The following RCOR3 variants were observed in gnomAD, a reference collection of about 807,000 sequenced individuals.
RCOR3 encodes REST corepressor 3.
RCOR3 carries 13 observed loss-of-function variants against 64.1 expected under a neutral mutation model. The observed-to-expected ratio is 0.20, with a 90% CI of 0.13 to 0.32. The LOEUF (loss-of-function observed/expected upper bound fraction) is 0.32, where lower values mean the gene tolerates loss of function less well. Ranked by LOEUF, RCOR3 falls within the 10% of genes least tolerant of loss-of-function variation. The pLI is 1.00. For synonymous variants in RCOR3, 215 were observed against 239.0 expected (o/e 0.90, Z 0.93); for missense variants, 489 against 701.2 (o/e 0.70, Z 3.42).
chr1:211,269,995 C>A (rs1449425679), intron 2 of RCOR3, among the ~76,000 whole-genome samples: 1 of 151,652 alleles, frequency 6.6e-6, no homozygotes, highest in Admixed American at 6.6e-5. Context: ...GAAAATGTTA[C>A]TATTCTTCCA....
chr1:211,284,602 C>G (rs1052311687), intron 7 of RCOR3, among the ~76,000 whole-genome samples: 1 of 152,082 alleles, frequency 6.6e-6, no homozygotes, highest in Non-Finnish European at 1.5e-5. Context: ...TAGCTCACTT[C>G]TGGCACAAAT....
In RCOR3 at chr1:211,289,950, C is replaced by A. The variant is rs537227117; in HGVS notation, c.939+554C>A. Among the ~76,000 whole-genome samples the A allele has an allele frequency of 9.8e-5, 15 of 152,314 alleles. No homozygotes were observed. In the South Asian group the frequency reaches 1.5e-3, roughly 15 times the overall value. On this transcript the variant is annotated intron_variant, in intron 8 of 11. Transcript: ENST00000419091. ...CTTAGAGGAGCTCTTTAACTTCTTT[C>A]AGCCTCAGTTTTCTCATCTGGAAAT...
intron 9 of RCOR3, among the ~76,000 whole-genome samples, chr1:211,300,900 G>A (rs1700309466): frequency 6.6e-6 from 1 of 151,204 alleles, no homozygotes; most frequent in African/African-American, 2.4e-5. Context: ...GGAGACTCTA[G>A]TGTGTATGCG....
At chr1:211,298,685 C>T (rs767669142) in intron 9 of RCOR3, among the ~76,000 whole-genome samples, 5 of 152,004 alleles carry the variant, frequency 3.3e-5, no homozygotes, top group Non-Finnish European at 7.4e-5. Context: ...CATCAGTGGG[C>T]AGGGTCAGAG....
At chr1:211,287,830 A>G (rs1038774110) in intron 7 of RCOR3, among the ~76,000 whole-genome samples, 3 of 152,158 alleles carry the variant, frequency 2.0e-5, no homozygotes, top group African/African-American at 7.2e-5. Context: ...GTGAGCCGAG[A>G]TCGTGCCACT....
At chr1:211,262,822 G>GT (rs11406987) in intron 2 of RCOR3, among the ~76,000 whole-genome samples, 123,437 of 142,900 alleles carry the variant, frequency 0.86, 54,150 homozygotes, top group Middle Eastern at 0.96. Context: ...ATGGCCACTG[G>GT]TTTTTTTTTT....
At chr1:211,303,573 GAAA>G (rs1700590590) in intron 9 of RCOR3, 1 of 152,374 alleles carries the variant, frequency 6.6e-6, no homozygotes, top group South Asian at 2.1e-4. Flanking sequence ...TTACCATACT[GAAA>G]ATCCTAAATT....
At chr1:211,268,550 T>C (rs1338954230) in intron 2 of RCOR3, among the ~76,000 whole-genome samples, 1 of 152,022 alleles carries the variant, frequency 6.6e-6, no homozygotes, top group Non-Finnish European at 1.5e-5. Context: ...CGGCTAATTG[T>C]ATTTTTAATA....
At chr1:211,288,604 T>C (rs911203612) in intron 7 of RCOR3, among the ~76,000 whole-genome samples, 79 of 148,318 alleles carry the variant, frequency 5.3e-4, no homozygotes, top group African/African-American at 1.9e-3. Flanking sequence ...ATTTATTATT[T>C]ATTTTATTTA....
chr1:211,277,072 C>T (rs531865942), intron 5 of RCOR3, among the ~76,000 whole-genome samples: 4 of 147,244 alleles, frequency 2.7e-5, no homozygotes, highest in South Asian at 2.2e-4. Flanking sequence ...GGCAACAGCG[C>T]GAGACTCTGT....
chr1:211,307,058 A>G (rs1413792167), intron 10 of RCOR3, among the ~76,000 whole-genome samples: 2 of 152,184 alleles, frequency 1.3e-5, no homozygotes, highest in Non-Finnish European at 2.9e-5. Context: ...TGATCTTTCC[A>G]TATTTGTGTT....
intron 9 of RCOR3, chr1:211,303,768 C>A (rs1177008370): frequency 1.2e-5 from 2 of 171,008 alleles, no homozygotes; most frequent in African/African-American, 4.8e-5. Context: ...TGGAGACCAT[C>A]CTGGCTAACA....
intron 5 of RCOR3, among the ~76,000 whole-genome samples, chr1:211,277,235 A>C (rs746065572): frequency 2.0e-5 from 3 of 151,878 alleles, no homozygotes; most frequent in Non-Finnish European, 4.4e-5. Flanking sequence ...ATTGTGTCAA[A>C]ATAATGTAAA....
intron 10 of RCOR3, among the ~76,000 whole-genome samples, chr1:211,306,428 TG>T (rs2102652772): frequency 6.6e-6 from 1 of 152,290 alleles, no homozygotes; most frequent in South Asian, 2.1e-4. Flanking sequence ...TAAACTGTTT[TG>T]ATATTAACAT....
rs1406153879 is a variant in RCOR3, at chr1:211,312,464, A to G, written c.1076-256A>G. On this transcript the variant is annotated intron_variant, in intron 10 of 11. Transcript: ENST00000419091. The surrounding 1 kb of genome is among the most constrained non-coding windows in gnomAD (Gnocchi z 5.0). ...TGAGAGTTCAAGAGAGGATTGGAGA[A>G]AATAACTGAGTATGTAAAAAATGGT... 4 of 597,178 alleles carry G rather than the reference A, an allele frequency of 6.7e-6. No individual in the cohort carries two copies. Among genetic ancestry groups the G allele is most frequent in the Non-Finnish European group, 1.3e-5 (4 of 315,506 alleles). The allele number at this position is 597,178 out of a possible 1,614,324, so 37.0% of individuals were successfully genotyped here.
chr1:211,299,697 G>T (rs17188930), intron 9 of RCOR3, among the ~76,000 whole-genome samples: 1,838 of 152,114 alleles, frequency 0.012, 14 homozygotes, highest in Middle Eastern at 0.071. Context: ...CGTTCTAGAA[G>T]GCTTTTTGGT....
chr1:211,287,540 C>T (rs1698699242), intron 7 of RCOR3, among the ~76,000 whole-genome samples: 1 of 152,164 alleles, frequency 6.6e-6, no homozygotes, highest in South Asian at 2.1e-4. Flanking sequence ...TCAGATCCGC[C>T]ATGTGTTGCT....
chr1:211,302,339 G>A (rs1179591111), intron 9 of RCOR3: 1 of 152,180 alleles, frequency 6.6e-6, no homozygotes, highest in Non-Finnish European at 1.5e-5. Context: ...GTCACCTACA[G>A]AATTGACAGA....
intron 9 of RCOR3, among the ~76,000 whole-genome samples, chr1:211,299,441 CT>C (rs1362739499): frequency 6.6e-6 from 1 of 152,122 alleles, no homozygotes; most frequent in East Asian, 1.9e-4. Context: ...AAAAAGAGTG[CT>C]TTTTGAAGCT....
Sources: allele counts gnomAD v4.1 joint callset (sites outside exome capture counted in the v4.1 genomes callset), GRCh38; gene constraint gnomAD v4.1.1; non-coding constraint Gnocchi (gnomAD v3.1); transcripts MANE v1.5; gene names NCBI Gene and HGNC (gene_info 2026-07-23, HGNC 2026-07-21).